Variants in OSBP observed in about 807,000 individuals in gnomAD.
OSBP encodes the protein oxysterol binding protein.
OSBP carries 32 observed loss-of-function variants against 96.6 expected under a neutral mutation model. That is an observed-to-expected ratio of 0.33 (90% CI 0.25 to 0.45). The LOEUF (loss-of-function observed/expected upper bound fraction) is 0.45. OSBP is among the 20% of genes least tolerant of loss of function. OSBP has a pLI of 1.00. For missense variants in OSBP, 653 were observed against 1,029.7 expected, an observed-to-expected ratio of 0.63 and a Z score of 5.01; for synonymous variants, 369 against 389.6, an observed-to-expected ratio of 0.95 and a Z score of 0.62.
chr11:59,576,328 C>G lies in OSBP; in HGVS notation c.*249G>C. The stretch of plus-strand genomic sequence containing the variant: ...CTTCGTGGATGTGGAATAACACTAA[C>G]CTTCGGCCACTAAACCTCTCCCTTA... On this transcript the variant is annotated 3_prime_UTR_variant, in exon 14 of 14. Transcript: ENST00000263847. 2.2e-6 allele frequency: 1 copy of G among 454,130 alleles called. No individual in the cohort carries two copies. The highest frequency in any genetic ancestry group is 3.9e-6 in the Non-Finnish European group (1 of 256,462). 28.1% of individuals were successfully genotyped at this position (454,130 alleles called of 1,614,324 possible). A position where few individuals can be genotyped will look rare whatever the true frequency, so the allele number is the denominator to read the frequency against.
chr11:59,615,438 G>T lies in OSBP; in HGVS notation c.227C>A (p.Thr76Asn). 1 of 1,483,680 alleles carries T rather than the reference G, an allele frequency of 6.7e-7. No homozygotes were observed. The highest frequency in any genetic ancestry group is 9.0e-7 in the Non-Finnish European group (1 of 1,109,386). The allele number at this position is 1,483,680 out of a possible 1,614,324, so 91.9% of individuals were successfully genotyped here. ...AAAGPAPAPP[T>N]GGSGGSGAGG... ...AGCGCCCGAGCCGCCCGAGCCCCCAGTCGGCGGCGCAGGGGCCGGGCCAGC... is the reference window on the plus strand; with the variant it reads ...AGCGCCCGAGCCGCCCGAGCCCCCATTCGGCGGCGCAGGGGCCGGGCCAGC... Residue 76 changes from threonine (T) to asparagine (N), a missense_variant, in exon 1 of 14, where the codon ACT (threonine) becomes AAT (asparagine). This residue lies in a region of OSBP where 151 missense variants were observed against 146.1 expected (regional missense o/e 1.03). Coordinates refer to ENST00000263847, the MANE Select transcript of OSBP (RefSeq NM_002556.3).
At chr11:59,601,188 T>G (rs1477114780) in intron 5 of OSBP, 95 bp downstream of exon 5, 3 of 748,278 alleles carry the variant, frequency 4.0e-6, no homozygotes, top group Non-Finnish European at 6.8e-6. Context: ...ACTGAAATGT[T>G]TTTAACCTTT....
At chr11:59,577,648 A>G (rs1051191197) in intron 12 of OSBP, among the ~76,000 whole-genome samples, 2 of 152,178 alleles carry the variant, frequency 1.3e-5, no homozygotes, top group African/African-American at 4.8e-5. Flanking sequence ...GCACACCACC[A>G]TATGTGGCTA....
chr11:59,607,098 A>C (rs1255880394), intron 3 of OSBP, among the ~76,000 whole-genome samples: 2 of 152,200 alleles, frequency 1.3e-5, no homozygotes, highest in Non-Finnish European at 2.9e-5. Flanking sequence ...TTTTACATCA[A>C]GGTAAAAAAA....
chr11:59,598,700 C>T (rs538774977), intron 7 of OSBP, among the ~76,000 whole-genome samples: 7 of 152,298 alleles, frequency 4.6e-5, no homozygotes, highest in Admixed American at 1.3e-4. Context: ...AGCAATTCTC[C>T]TGCATCACCC....
intron 9 of OSBP, among the ~76,000 whole-genome samples, chr11:59,583,722 C>A (rs1860454687): frequency 6.9e-6 from 1 of 144,952 alleles, no homozygotes; most frequent in Non-Finnish European, 1.5e-5. Context: ...CGGCTCACTG[C>A]AGCCTCTGCC....
At chr11:59,591,793 G>T (rs1054293537) in intron 9 of OSBP, among the ~76,000 whole-genome samples, 1 of 151,888 alleles carries the variant, frequency 6.6e-6, no homozygotes, top group African/African-American at 2.4e-5. Flanking sequence ...GCTAATTTTT[G>T]TATTTTTAGT....
At chr11:59,592,651 G>A (rs1007349669) in intron 9 of OSBP, among the ~76,000 whole-genome samples, 1 of 152,176 alleles carries the variant, frequency 6.6e-6, no homozygotes, top group East Asian at 1.9e-4. Context: ...AGAAAGCATT[G>A]AGAAGCTCTA....
rs371569139 is a variant in OSBP at position 59,576,572 on chromosome 11, C to T, written c.*5G>A. On this transcript the variant is annotated 3_prime_UTR_variant, in exon 14 of 14. Coordinates refer to ENST00000263847, the MANE Select transcript of OSBP (RefSeq NM_002556.3). ...TATATGCTCCTCTTTTTTGTTACTG[C>T]CGTTTCAGAAAATGTCCGGGCATGA... The T allele has an allele frequency of 5.6e-6, 9 of 1,608,948 alleles. No homozygotes were observed. Among genetic ancestry groups the T allele is most frequent in the Admixed American group, 3.4e-5 (2 of 58,494 alleles).
In OSBP at chr11:59,594,051, C is replaced by G; in HGVS notation, c.1516G>C (p.Asp506His). The G allele has an allele frequency of 3.7e-6, 6 of 1,614,086 alleles. No homozygotes were observed. Among genetic ancestry groups the G allele is most frequent in the Non-Finnish European group, 5.1e-6 (6 of 1,180,008 alleles). Residue 506 changes from aspartate (D) to histidine (H), a missense_variant, in exon 8 of 14, where the codon GAC (aspartate) becomes CAC (histidine). This residue lies in a region of OSBP where 308 missense variants were observed against 573.1 expected (regional missense o/e 0.54). Transcript: ENST00000263847. ...NPLLGETFELDRLEENGYRSL... is the reference protein window; with the variant it reads ...NPLLGETFELHRLEENGYRSL... The stretch of plus-strand genomic sequence containing the variant: ...CGGTACCCATTCTCCTCTAATCGGT[C>G]CAGCTCAAAGGTCTCCCCAAGCAGT...
Position 59,578,337 on chromosome 11 carries a change from G to C in OSBP, c.1879-7C>G. Reference sequence around the variant, plus strand: ...CTGTCACTTCCCCCGTCACCTGCAAGGGTGGAGAACAGGGCTTGGCTATAT... The same window carrying C: ...CTGTCACTTCCCCCGTCACCTGCAACGGTGGAGAACAGGGCTTGGCTATAT... On this transcript the variant is annotated splice_polypyrimidine_tract_variant and splice_region_variant and intron_variant, in intron 11 of 13. Coordinates refer to ENST00000263847, the MANE Select transcript of OSBP (RefSeq NM_002556.3). 1 of 1,613,362 alleles carries C rather than the reference G, an allele frequency of 6.2e-7. No homozygotes were observed. Among genetic ancestry groups the C allele is most frequent in the South Asian group, 1.1e-5 (1 of 90,974 alleles).
At chr11:59,613,326 C>T (rs1440977751) in intron 1 of OSBP, among the ~76,000 whole-genome samples, 1 of 152,148 alleles carries the variant, frequency 6.6e-6, no homozygotes, top group African/African-American at 2.4e-5. Context: ...GTACCACTAG[C>T]TCTTGTAAGG....
intron 11 of OSBP, 117 bp from the exon 12 acceptor site, chr11:59,578,447 A>C (rs1860384665): frequency 1.1e-6 from 1 of 944,954 alleles, no homozygotes; most frequent in African/African-American, 1.6e-5. Flanking sequence ...CAAACACCAG[A>C]GAGTCATCCA....
At chr11:59,611,575 AAAT>A (rs1348091635) in intron 1 of OSBP, among the ~76,000 whole-genome samples, 1 of 152,242 alleles carries the variant, frequency 6.6e-6, no homozygotes, top group Admixed American at 6.5e-5. Context: ...GCTATGGTTC[AAAT>A]GATATGAAAT....
Position 59,576,830 on chromosome 11 carries a change from C to T in OSBP, c.2256G>A (p.Ala752=), listed in dbSNP as rs746366250. The T allele has an allele frequency of 1.3e-5, 21 of 1,613,998 alleles. No homozygotes were observed. The highest frequency in any genetic ancestry group is 4.5e-5 in the East Asian group (2 of 44,894). ...CATCCTCTGTGGCTTTCATAGCTTC[C>T]GCTTCTCTCTTCTTTCTGGAAAGTC... ...KQRLSRKKRE[A]EAMKATEDGT... Residue 752 remains alanine, a synonymous_variant, in exon 13 of 14, where the codon GCG becomes GCA. Coordinates refer to ENST00000263847, the MANE Select transcript of OSBP (RefSeq NM_002556.3).
chr11:59,611,132 T>A (rs1590679976), intron 1 of OSBP, among the ~76,000 whole-genome samples: 1 of 110,644 alleles, frequency 9.0e-6, no homozygotes. Flanking sequence ...CGAAACTCCG[T>A]CTCAAAAAAA....
At chr11:59,598,402 C>T (rs1285212447) in intron 7 of OSBP, among the ~76,000 whole-genome samples, 2 of 152,082 alleles carry the variant, frequency 1.3e-5, no homozygotes, top group African/African-American at 4.8e-5. Context: ...AACCTGTAGC[C>T]ACTCGCCCAT....
At chr11:59,602,848 G>A (rs943998322) in intron 3 of OSBP, among the ~76,000 whole-genome samples, 4 of 152,150 alleles carry the variant, frequency 2.6e-5, no homozygotes, top group African/African-American at 9.7e-5. Flanking sequence ...TCGAACTCAC[G>A]GACTCAAGTG....
intron 2 of OSBP, 42 bp downstream of exon 2, chr11:59,610,339 G>A: frequency 6.5e-7 from 1 of 1,543,572 alleles, no homozygotes; most frequent in Admixed American, 1.7e-5. Flanking sequence ...CATAAAAGGG[G>A]CAAAAAGAAA....
Sources: allele counts gnomAD v4.1 joint callset (sites outside exome capture counted in the v4.1 genomes callset), GRCh38; gene constraint gnomAD v4.1.1; regional missense constraint gnomAD v4.1.1; transcripts MANE v1.5; gene names NCBI Gene and HGNC (gene_info 2026-07-23, HGNC 2026-07-21).